MRPL32: variants seen among roughly 807,000 people sequenced by gnomAD.
MRPL32 encodes the protein mitochondrial ribosomal protein L32.
MRPL32 carries 14 observed loss-of-function variants against 21.7 expected under a neutral mutation model. The observed-to-expected ratio is 0.64, with a 90% CI of 0.43 to 1.01. The LOEUF is 1.01. Among genes scored for constraint, MRPL32 ranks in the 50% least tolerant of loss-of-function variants. The probability of loss-of-function intolerance (pLI) is 0.00; values close to 1 mark genes in which losing one functional copy is unlikely to be tolerated. For synonymous variants in MRPL32, 83 were observed against 87.7 expected (o/e 0.95, Z 0.30); for missense variants, 211 against 235.9 (o/e 0.89, Z 0.69).
At chr7:42,932,542 G>T (rs764002412) in intron 1 of MRPL32, 26 bp downstream of exon 1, 10 of 1,575,768 alleles carry the variant, frequency 6.3e-6, no homozygotes, top group Non-Finnish European at 8.7e-6. Context: ...CTCCGTGGGA[G>T]AGGGGGCTGA....
intron 2 of MRPL32, 64 bp downstream of exon 2, chr7:42,935,200 G>A: frequency 7.4e-7 from 1 of 1,350,940 alleles, no homozygotes; most frequent in Non-Finnish European, 1.0e-6. Flanking sequence ...GCTCATGGTA[G>A]ATTCCTATAG....
chr7:42,936,237 C>G (rs536539306), intron 2 of MRPL32: 1 of 152,312 alleles, frequency 6.6e-6, no homozygotes, highest in African/African-American at 2.4e-5. Context: ...TATGTGACTT[C>G]CCTGATCGCA....
intron 1 of MRPL32, among the ~76,000 whole-genome samples, chr7:42,933,986 G>A (rs2128675918): frequency 6.6e-6 from 1 of 152,214 alleles, no homozygotes; most frequent in East Asian, 1.9e-4. Flanking sequence ...AGAAGTATGT[G>A]GGCTGGGCGC....
At chr7:42,935,802 C>T (rs1306281040) in intron 2 of MRPL32, 2 of 152,060 alleles carry the variant, frequency 1.3e-5, no homozygotes, top group Non-Finnish European at 2.9e-5. Context: ...GATTTTTGAC[C>T]TCATGTTCTT....
chr7:42,932,802 C>T (rs1167970310), intron 1 of MRPL32, among the ~76,000 whole-genome samples: 1 of 150,834 alleles, frequency 6.6e-6, no homozygotes, highest in African/African-American at 2.4e-5. Flanking sequence ...GTAAGTAAAG[C>T]GCTGAAAACA....
chr7:42,934,772 G>T (rs1786398199), intron 1 of MRPL32, among the ~76,000 whole-genome samples, 183 bp from the exon 2 acceptor site: 1 of 152,154 alleles, frequency 6.6e-6, no homozygotes, highest in African/African-American at 2.4e-5. Context: ...CCTTAAAATT[G>T]TATAAGCTTT....
At chr7:42,935,683 T>C (rs1418471222) in intron 2 of MRPL32, 2 of 152,228 alleles carry the variant, frequency 1.3e-5, no homozygotes, top group East Asian at 1.9e-4. Flanking sequence ...TCATGTCTTA[T>C]AGCCCTCCAA....
chr7:42,936,688 C>CTATATCTATCTATATA lies in MRPL32; in HGVS notation c.313-629_313-628insCTATCTATATATATAT, dbSNP rs1562706618. 5.4e-5 allele frequency: 8 copies of CTATATCTATCTATATA among 147,798 alleles called. No homozygotes were observed. In the South Asian group the frequency reaches 1.5e-3, roughly 27 times the overall value. The allele number at this position is 147,798 out of a possible 1,614,324, so 9.2% of individuals were successfully genotyped here. On this transcript the variant is annotated intron_variant, in intron 2 of 2. Coordinates refer to ENST00000223324, the MANE Select transcript of MRPL32 (RefSeq NM_031903.3). ...GATATATATATATCTATATCTATCTCTATATATATATATATACACACACAT... is the reference window on the plus strand; with the variant it reads ...GATATATATATATCTATATCTATCTCTATATCTATCTATATATATATATATATATATACACACACAT...
At chr7:42,936,998 A>T in intron 2 of MRPL32, 1 of 384,212 alleles carries the variant, frequency 2.6e-6, no homozygotes, top group Non-Finnish European at 5.0e-6. Context: ...ATGTTGACAA[A>T]TTCCTTATTT....
chr7:42,937,829 A>G lies in MRPL32; in HGVS notation c.*253A>G. On this transcript the variant is annotated 3_prime_UTR_variant, in exon 3 of 3. Transcript: ENST00000223324. ...GTAAACATAAAATTTCCAGAACAAA[A>G]ATAAAAAATTTAAAATTCATAGCAA... 1 of 315,522 alleles carries G rather than the reference A, an allele frequency of 3.2e-6. No individual in the cohort carries two copies. Among genetic ancestry groups the G allele is most frequent in the Non-Finnish European group, 5.7e-6 (1 of 175,388 alleles). The allele number at this position is 315,522 out of a possible 1,614,324, so 19.5% of individuals were successfully genotyped here.
chr7:42,935,297 G>T (rs1189071643), intron 2 of MRPL32, 161 bp downstream of exon 2: 2 of 599,292 alleles, frequency 3.3e-6, no homozygotes, highest in African/African-American at 3.7e-5. Flanking sequence ...TACATAATGA[G>T]AAGGCTAGAG....
chr7:42,936,151 C>T (rs1786418445), intron 2 of MRPL32: 1 of 152,164 alleles, frequency 6.6e-6, no homozygotes, highest in South Asian at 2.1e-4. Context: ...CACTTTATTA[C>T]TTAAGACTTA....
At position 42,932,482 on chromosome 7, in the gene MRPL32, G is replaced by A; in HGVS notation, c.96G>A (p.Pro32=). Residue 32 remains proline, a synonymous_variant, in exon 1 of 3, where the codon CCG becomes CCA. Transcript: ENST00000223324. ...GGGAGCGACTGCTACGGAAGCTTCC[G>A]CAGAGCCGGCCGGGCTTTCCCAGTC... The part of the protein sequence containing the change: ...NYWERLLRKL[P]QSRPGFPSPP... 1.2e-6 allele frequency: 2 copies of A among 1,610,294 alleles called. No homozygotes were observed. Among genetic ancestry groups the A allele is most frequent in the Admixed American group, 1.7e-5 (1 of 59,902 alleles).
rs568193502 is a variant in MRPL32 at position 42,937,162 on chromosome 7, A to C, written c.313-160A>C. ...TTCAAACTCAGTGTTGCTTGTCTTC[A>C]GTCTTCCTGTTAAAGTGAGGTGGAA... On this transcript the variant is annotated intron_variant, in intron 2 of 2. Coordinates refer to ENST00000223324, the MANE Select transcript of MRPL32 (RefSeq NM_031903.3). 39 of 1,537,586 alleles carry C rather than the reference A, an allele frequency of 2.5e-5. No individual in the cohort carries two copies. In the African/African-American group the frequency reaches 4.8e-4, roughly 19 times the overall value.
At position 42,933,431 on chromosome 7, in the gene MRPL32, T is replaced by A. The variant is rs139208552; in HGVS notation, c.130+915T>A. 3.9e-3 allele frequency among the ~76,000 whole-genome samples: 597 copies of A among 151,998 alleles called. 4 individuals are homozygous for A. Among genetic ancestry groups the A allele is most frequent in the African/African-American group, 0.013 (552 of 41,426 alleles). On this transcript the variant is annotated intron_variant, in intron 1 of 2. Transcript: ENST00000223324. ...CCACTCTCTGGATCTGTCTTTCCTT[T>A]CCAGCCCTGCCCTCACCTCCCCTCC...
intron 1 of MRPL32, among the ~76,000 whole-genome samples, chr7:42,933,995 G>A (rs62458178): frequency 3.3e-5 from 5 of 152,128 alleles, no homozygotes; most frequent in South Asian, 2.1e-4. Flanking sequence ...TGGGCTGGGC[G>A]CGGTGGCTCA....
At chr7:42,933,908 C>G (rs1020350185) in intron 1 of MRPL32, among the ~76,000 whole-genome samples, 8 of 152,248 alleles carry the variant, frequency 5.3e-5, no homozygotes, top group African/African-American at 1.9e-4. Flanking sequence ...TGTGGACATA[C>G]TGAAAATAAA....
In MRPL32 at chr7:42,936,346, G is replaced by C. The variant is rs1035140745; in HGVS notation, c.313-976G>C. The C allele has an allele frequency of 1.2e-3, 177 of 152,092 alleles. 1 individual carries two copies. The highest frequency in any genetic ancestry group is 4.0e-3 in the African/African-American group (165 of 41,416). The allele number at this position is 152,092 out of a possible 1,614,324, so 9.4% of individuals were successfully genotyped here. On this transcript the variant is annotated intron_variant, in intron 2 of 2. Transcript: ENST00000223324. ...TATAGTGTGTTATGTTGGGTACTTTGATCACGAAAGGAAGACCAGCTGACT... is the reference window on the plus strand; with the variant it reads ...TATAGTGTGTTATGTTGGGTACTTTCATCACGAAAGGAAGACCAGCTGACT...
rs933341281 is a variant in MRPL32 at position 42,934,896 on chromosome 7, G to A, written c.131-59G>A. The A allele has an allele frequency of 1.1e-4, 153 of 1,352,230 alleles. 1 individual carries two copies. The highest frequency in any genetic ancestry group is 1.5e-4 in the Non-Finnish European group (147 of 1,000,550). The allele number at this position is 1,352,230 out of a possible 1,614,324, so 83.8% of individuals were successfully genotyped here. ...TTGATTGTTAAGGAAAATGATATCT[G>A]TAAATAGTAATTTAGAAGCTAGAAA... On this transcript the variant is annotated intron_variant, in intron 1 of 2. Coordinates refer to ENST00000223324, the MANE Select transcript of MRPL32 (RefSeq NM_031903.3).
Sources: allele counts gnomAD v4.1 joint callset (sites outside exome capture counted in the v4.1 genomes callset), GRCh38; gene constraint gnomAD v4.1.1; transcripts MANE v1.5; gene names NCBI Gene and HGNC (gene_info 2026-07-23, HGNC 2026-07-21).